DSCAM: variants seen among roughly 807,000 people sequenced by gnomAD.
The protein encoded by DSCAM is DS cell adhesion molecule.
A neutral mutation model predicts 217.7 loss-of-function variants in DSCAM; 47 were observed. The ratio of observed to expected loss-of-function variants is 0.22; its 90% CI spans 0.17 to 0.28. The LOEUF (loss-of-function observed/expected upper bound fraction) is 0.28, where lower values mean the gene tolerates loss of function less well. DSCAM is among the 10% of genes least tolerant of loss of function. DSCAM has a pLI of 1.00. For synonymous variants in DSCAM, 1,056 were observed against 1,015.3 expected, an observed-to-expected ratio of 1.04 and a Z score of -0.76; for missense variants, 2,080 against 2,618.3, an observed-to-expected ratio of 0.79 and a Z score of 4.49.
intron 32 of DSCAM, among the ~76,000 whole-genome samples, chr21:40,020,820 GC>G (rs1460033516): frequency 6.6e-6 from 1 of 152,172 alleles, no homozygotes; most frequent in African/African-American, 2.4e-5. Flanking sequence ...TCCTGCCTGG[GC>G]CTTTGGGACA....
chr21:40,831,010 T>C (rs1261918567), intron 1 of DSCAM, among the ~76,000 whole-genome samples: 2 of 152,324 alleles, frequency 1.3e-5, no homozygotes, highest in East Asian at 3.9e-4. Flanking sequence ...GACCAACCAG[T>C]GGACCCAGAT....
intron 20 of DSCAM, among the ~76,000 whole-genome samples, chr21:40,103,565 G>T (rs190675262): frequency 1.3e-5 from 2 of 151,974 alleles, no homozygotes; most frequent in African/African-American, 4.8e-5. Flanking sequence ...AGATGTCATG[G>T]CAGAAAGATC....
At chr21:40,645,678 T>G (rs999002521) in intron 3 of DSCAM, among the ~76,000 whole-genome samples, 3 of 152,166 alleles carry the variant, frequency 2.0e-5, no homozygotes, top group African/African-American at 7.2e-5. Flanking sequence ...CTATCTGAGG[T>G]AAATACTCCT....
At chr21:40,616,614 G>A in intron 3 of DSCAM, among the ~76,000 whole-genome samples, 1 of 152,160 alleles carries the variant, frequency 6.6e-6, no homozygotes. Flanking sequence ...GACACTGCCT[G>A]GTGCATTTGT....
At chr21:40,284,759 C>T (rs930777136) in intron 10 of DSCAM, among the ~76,000 whole-genome samples, 1 of 152,106 alleles carries the variant, frequency 6.6e-6, no homozygotes, top group Admixed American at 6.5e-5. Context: ...TTTTGCATGC[C>T]CCTAATTCCC....
At chr21:40,489,099 A>G (rs2076053632) in intron 3 of DSCAM, among the ~76,000 whole-genome samples, 2 of 152,226 alleles carry the variant, frequency 1.3e-5, no homozygotes, top group Admixed American at 1.3e-4. Context: ...TTGATGTCAA[A>G]TCAGCTAGGC....
intron 10 of DSCAM, among the ~76,000 whole-genome samples, chr21:40,293,803 C>T (rs532993829): frequency 1.4e-4 from 22 of 151,732 alleles, no homozygotes; most frequent in African/African-American, 4.8e-4. Flanking sequence ...CCAGCCTGGG[C>T]GACAGAGCAA....
At chr21:40,481,857 T>C (rs371166572) in intron 3 of DSCAM, among the ~76,000 whole-genome samples, 6 of 152,086 alleles carry the variant, frequency 3.9e-5, no homozygotes, top group Admixed American at 6.6e-5. Context: ...CGTGTCACAG[T>C]TGAGTGAGGG....
Position 40,124,302 on chromosome 21 carries a change from C to T in DSCAM, c.3589G>A (p.Ala1197Thr), listed in dbSNP as rs760567721. Reference protein sequence around the residue: ...DVPGPPAGVKAAAASASMVFV... With the variant: ...DVPGPPAGVKTAAASASMVFV... ...ACCATGGAGGCTGAGGCCGCCGCTGCCTTCACACCCGCGGGAGGACCTGGA... is the reference window on the plus strand; with the variant it reads ...ACCATGGAGGCTGAGGCCGCCGCTGTCTTCACACCCGCGGGAGGACCTGGA... Residue 1197 changes from alanine (A) to threonine (T), a missense_variant, in exon 20 of 33, where the codon GCA becomes ACA. This residue lies in a region of DSCAM where 1,144 missense variants were observed against 1,421.1 expected (regional missense o/e 0.81). Coordinates refer to ENST00000400454, the MANE Select transcript of DSCAM (RefSeq NM_001389.5). 12 of 1,613,830 alleles carry T rather than the reference C, an allele frequency of 7.4e-6. No homozygotes were observed. Among genetic ancestry groups the T allele is most frequent in the Non-Finnish European group, 1.0e-5 (12 of 1,180,028 alleles).
intron 1 of DSCAM, among the ~76,000 whole-genome samples, chr21:40,846,412 T>C (rs1024549539): frequency 1.3e-5 from 2 of 151,944 alleles, no homozygotes; most frequent in African/African-American, 4.8e-5. Flanking sequence ...TACAGAGCAA[T>C]TTCTCCCGGG....
intron 3 of DSCAM, among the ~76,000 whole-genome samples, chr21:40,690,390 A>G (rs1399304999): frequency 1.1e-4 from 17 of 152,220 alleles, no homozygotes; most frequent in Admixed American, 1.1e-3. Flanking sequence ...ACGACCTGAT[A>G]TGAAGTCTCT....
At chr21:40,153,118 T>C (rs2090441371) in intron 16 of DSCAM, among the ~76,000 whole-genome samples, 1 of 152,234 alleles carries the variant, frequency 6.6e-6, no homozygotes, top group African/African-American at 2.4e-5. Context: ...CTTTTTCATC[T>C]TTGTGCGTTT....
At chr21:40,746,698 A>C (rs1191093873) in intron 1 of DSCAM, among the ~76,000 whole-genome samples, 1 of 151,954 alleles carries the variant, frequency 6.6e-6, no homozygotes, top group Admixed American at 6.6e-5. Flanking sequence ...GTTGGATTTA[A>C]ACAGCCTTCT....
At chr21:40,364,063 C>G (rs530800364) in intron 4 of DSCAM, among the ~76,000 whole-genome samples, 38 of 152,280 alleles carry the variant, frequency 2.5e-4, no homozygotes, top group African/African-American at 8.7e-4. Context: ...AATAGGAACA[C>G]TTTTACACTG....
intron 3 of DSCAM, among the ~76,000 whole-genome samples, chr21:40,376,687 T>C (rs1339188279): frequency 2.5e-5 from 2 of 78,970 alleles, no homozygotes; most frequent in Non-Finnish European, 5.3e-5. Context: ...ATATATCATA[T>C]ATATCATATA....
chr21:40,287,203 A>G (rs993461474), intron 10 of DSCAM, among the ~76,000 whole-genome samples: 4 of 144,328 alleles, frequency 2.8e-5, no homozygotes, highest in Non-Finnish European at 5.9e-5. Context: ...GATCTGCAGT[A>G]TGATGTGCAG....
intron 3 of DSCAM, among the ~76,000 whole-genome samples, chr21:40,434,161 C>T (rs2075562307): frequency 6.6e-6 from 1 of 152,208 alleles, no homozygotes; most frequent in Non-Finnish European, 1.5e-5. Context: ...TTTACACACA[C>T]ATGATCACGT....
rs755106575 is a variant in DSCAM at position 40,353,565 on chromosome 21, C to T, written c.834G>A (p.Leu278=). ...SGRFQKTVTG[L]LIENIRPSDS... ...CCGAGGGGCGAATGTTCTCAATGAG[C>T]AGCCCCGTCACGGTCTTCTGGAACC... Residue 278 remains leucine (L), a synonymous_variant, in exon 5 of 33, where the codon CTG becomes CTA. Transcript: ENST00000400454. 7 of 1,610,216 alleles carry T rather than the reference C, an allele frequency of 4.3e-6. No homozygotes were observed. The highest frequency in any genetic ancestry group is 1.7e-4 in the Middle Eastern group (1 of 6,038).
intron 3 of DSCAM, among the ~76,000 whole-genome samples, chr21:40,560,244 C>T (rs986892291): frequency 4.6e-5 from 7 of 152,324 alleles, no homozygotes; most frequent in East Asian, 1.9e-4. Context: ...TCTTCTGTTG[C>T]TCCAGGAAAT....
Sources: gnomAD v4.1 joint callset for allele counts (sites outside exome capture counted in the v4.1 genomes callset) on GRCh38, gnomAD v4.1.1 for gene constraint, gnomAD v4.1.1 regional missense constraint, MANE v1.5 for transcripts, NCBI Gene and HGNC (gene_info 2026-07-23, HGNC 2026-07-21) for gene names.